The following WDPCP variants were observed in gnomAD, a reference collection of about 807,000 sequenced individuals.
The protein encoded by WDPCP is WD repeat-containing and planar cell polarity effector protein fritz homolog.
Under a neutral mutation model 93.1 loss-of-function variants are expected in WDPCP, and 71 were observed. The ratio of observed to expected loss-of-function variants is 0.76; its 90% CI spans 0.63 to 0.93. The LOEUF (loss-of-function observed/expected upper bound fraction) is 0.93, where lower values mean the gene tolerates loss of function less well. Among genes scored for constraint, WDPCP ranks in the 40% least tolerant of loss-of-function variants. WDPCP has a pLI of 0.00. For synonymous variants in WDPCP, 315 were observed against 315.0 expected (o/e 1.00, Z 0.00); for missense variants, 844 against 887.4 (o/e 0.95, Z 0.62).
chr2:63,619,310 G>C (rs1246622809), intron 3 of WDPCP, among the ~76,000 whole-genome samples: 1 of 152,170 alleles, frequency 6.6e-6, no homozygotes, highest in African/African-American at 2.4e-5. Flanking sequence ...TAACAGAAGG[G>C]ATTTCAAGAC....
intron 1 of WDPCP, among the ~76,000 whole-genome samples, chr2:63,551,751 G>A (rs1705665930): frequency 1.3e-5 from 2 of 152,028 alleles, no homozygotes; most frequent in Admixed American, 6.6e-5. Context: ...CAAAATGCTG[G>A]CATAATGCTT....
chr2:63,534,461 A>G (rs1462814039), intron 1 of WDPCP, among the ~76,000 whole-genome samples: 1 of 152,230 alleles, frequency 6.6e-6, no homozygotes, highest in Non-Finnish European at 1.5e-5. Flanking sequence ...AAAATCTTCA[A>G]TAAAATACTG....
chr2:63,627,170 G>A (rs985033383), intron 3 of WDPCP, among the ~76,000 whole-genome samples: 2 of 152,092 alleles, frequency 1.3e-5, no homozygotes, highest in African/African-American at 4.8e-5. Context: ...TCCAATAACA[G>A]GATTGCTAGA....
At chr2:63,398,525 A>G (rs1490220010) in intron 10 of WDPCP, among the ~76,000 whole-genome samples, 2 of 152,192 alleles carry the variant, frequency 1.3e-5, no homozygotes, top group Non-Finnish European at 2.9e-5. Flanking sequence ...TTGTGTGATC[A>G]TTGTAAGGAT....
upstream of WDPCP, among the ~76,000 whole-genome samples, chr2:63,589,538 C>G (rs10469944): frequency 0.8 from 122,287 of 152,232 alleles, 49,779 homozygotes; most frequent in East Asian, 0.98. Flanking sequence ...GCGTTTGCAG[C>G]AGACGTGTTT....
At chr2:63,379,823 A>G (rs1692152799) in intron 11 of WDPCP, among the ~76,000 whole-genome samples, 1 of 152,196 alleles carries the variant, frequency 6.6e-6, no homozygotes, top group South Asian at 2.1e-4. Flanking sequence ...AAGAGAGAAA[A>G]AAAATTGTGA....
intron 12 of WDPCP, among the ~76,000 whole-genome samples, chr2:63,373,065 G>A (rs1257112162): frequency 6.6e-6 from 1 of 152,006 alleles, no homozygotes; most frequent in Non-Finnish European, 1.5e-5. Flanking sequence ...GGAGGTTGCG[G>A]TGAGCCAAGA....
At position 63,460,050 on chromosome 2, in the gene WDPCP, C is replaced by T. The variant is rs1317569580; in HGVS notation, c.385-20179G>A. Among the ~76,000 whole-genome samples the T allele has an allele frequency of 2.0e-5, 3 of 152,150 alleles. No homozygotes were observed. The East Asian group carries it at 5.8e-4, about 29-fold the overall frequency. The stretch of plus-strand genomic sequence containing the variant: ...CTGCACTCACATGTTTATCACAGCA[C>T]TATTCATAACAGCAAAGATATGGAA... On this transcript the variant is annotated intron_variant, in intron 6 of 17. Transcript: ENST00000272321.
chr2:63,258,068 G>GTACT (rs1005343364), intron 14 of WDPCP, among the ~76,000 whole-genome samples: 2 of 152,084 alleles, frequency 1.3e-5, no homozygotes, highest in Admixed American at 1.3e-4. Context: ...AATATAAATT[G>GTACT]TACTTACTTC....
chr2:63,589,291 G>A, upstream of WDPCP: 5 of 1,550,832 alleles, frequency 3.2e-6, no homozygotes, highest in Non-Finnish European at 4.4e-6. Context: ...CCTGGGAGAG[G>A]AGCGATCTTA....
At chr2:63,654,219 T>C (rs1051649116) in intron 2 of WDPCP, among the ~76,000 whole-genome samples, 2 of 152,130 alleles carry the variant, frequency 1.3e-5, no homozygotes, top group Non-Finnish European at 2.9e-5. Context: ...GCAGGTTAGA[T>C]ATTGCAAAAG....
intron 6 of WDPCP, among the ~76,000 whole-genome samples, chr2:63,473,351 G>A (rs959406311): frequency 1.3e-5 from 2 of 152,088 alleles, no homozygotes; most frequent in Non-Finnish European, 2.9e-5. Context: ...TTTCAGTCTA[G>A]CCACCTCATG....
At chr2:63,558,747 C>G (rs532845682) in intron 1 of WDPCP, among the ~76,000 whole-genome samples, 1 of 152,222 alleles carries the variant, frequency 6.6e-6, no homozygotes, top group South Asian at 2.1e-4. Flanking sequence ...AGCTGAATCC[C>G]TAAACAGACC....
intron 6 of WDPCP, among the ~76,000 whole-genome samples, chr2:63,467,692 C>G (rs1699432317): frequency 6.8e-6 from 1 of 146,470 alleles, no homozygotes; most frequent in Non-Finnish European, 1.5e-5. Context: ...AGGAGAATTG[C>G]TAGAACTTAG....
At chr2:63,827,888 T>C (rs972921907), upstream of WDPCP, 3 of 152,182 alleles carry the variant, frequency 2.0e-5, no homozygotes, top group Non-Finnish European at 4.4e-5. Context: ...GGCCAGAAGA[T>C]GTTGGGTGCA....
chr2:63,223,177 T>C (rs1459290945), intron 14 of WDPCP, among the ~76,000 whole-genome samples: 3 of 152,132 alleles, frequency 2.0e-5, no homozygotes. Context: ...ACGAAACAAC[T>C]CACCTGCTAT....
chr2:63,825,044 C>T (rs552654572), intron 1 of WDPCP, among the ~76,000 whole-genome samples: 2 of 152,156 alleles, frequency 1.3e-5, no homozygotes, highest in East Asian at 1.9e-4. Context: ...ATCTTTAAGA[C>T]CTTAATAAAT....
At chr2:63,446,732 A>C (rs1697892222) in intron 6 of WDPCP, among the ~76,000 whole-genome samples, 1 of 152,164 alleles carries the variant, frequency 6.6e-6, no homozygotes. Context: ...TTGATGACTA[A>C]TGCTACTTTT....
At chr2:63,616,993 G>A (rs1709679528) in intron 3 of WDPCP, among the ~76,000 whole-genome samples, 1 of 152,134 alleles carries the variant, frequency 6.6e-6, no homozygotes, top group South Asian at 2.1e-4. Context: ...AACAAATTTA[G>A]AAATGGATGC....
Sources: gnomAD v4.1 joint callset for allele counts (sites outside exome capture counted in the v4.1 genomes callset) on GRCh38, gnomAD v4.1.1 for gene constraint, MANE v1.5 for transcripts, NCBI Gene and HGNC (gene_info 2026-07-23, HGNC 2026-07-21) for gene names.